ULK4: variants seen among roughly 807,000 people sequenced by gnomAD.
The protein encoded by ULK4 is inactive serine/threonine-protein kinase ULK4.
A neutral mutation model predicts 160.6 loss-of-function variants in ULK4; 133 were observed. The ratio of observed to expected loss-of-function variants is 0.83; its 90% confidence interval spans 0.72 to 0.96. The LOEUF is 0.96. Among genes scored for constraint, ULK4 ranks in the 40% least tolerant of loss-of-function variants. The pLI is 0.00. For missense variants in ULK4, 1,580 were observed against 1,499.5 expected (o/e 1.05, Z -0.89); for synonymous variants, 534 against 539.8 (o/e 0.99, Z 0.15).
chr3:41,346,435 T>C (rs938062018), intron 35 of ULK4, among the ~76,000 whole-genome samples: 1 of 152,168 alleles, frequency 6.6e-6, no homozygotes, highest in Non-Finnish European at 1.5e-5. Context: ...TTTGGCATAC[T>C]GCAGTTCTTG....
chr3:41,307,863 A>T (rs867429554), intron 35 of ULK4, among the ~76,000 whole-genome samples: 54 of 152,264 alleles, frequency 3.5e-4, no homozygotes, highest in African/African-American at 1.1e-3. Context: ...ATATATAGCT[A>T]AAGTGGTAAG....
chr3:41,731,563 T>C (rs543884919), intron 22 of ULK4, among the ~76,000 whole-genome samples: 6 of 151,618 alleles, frequency 4.0e-5, no homozygotes, highest in South Asian at 2.1e-4. Flanking sequence ...CCTAAAGTGA[T>C]CTACAGATTA....
At chr3:41,795,976 A>G (rs1340534697) in intron 20 of ULK4, among the ~76,000 whole-genome samples, 2 of 152,192 alleles carry the variant, frequency 1.3e-5, no homozygotes, top group Non-Finnish European at 2.9e-5. Context: ...CTTAAGGGAA[A>G]GGAAAGTATC....
intron 31 of ULK4, among the ~76,000 whole-genome samples, chr3:41,605,238 T>C (rs965736524): frequency 6.6e-6 from 1 of 151,104 alleles, no homozygotes; most frequent in Non-Finnish European, 1.5e-5. Context: ...AGAAAACTAG[T>C]AGTAAGATTT....
At chr3:41,611,359 G>A (rs2032668551) in intron 31 of ULK4, among the ~76,000 whole-genome samples, 1 of 152,146 alleles carries the variant, frequency 6.6e-6, no homozygotes, top group Non-Finnish European at 1.5e-5. Context: ...TAAGCCATCA[G>A]CTGCCTGGCT....
At chr3:41,366,498 T>C (rs947852281) in intron 35 of ULK4, among the ~76,000 whole-genome samples, 23 of 152,048 alleles carry the variant, frequency 1.5e-4, no homozygotes, top group South Asian at 8.3e-4. Context: ...TCCAGTTCAA[T>C]TGATTCTACA....
At chr3:41,592,239 C>T (rs1209816126) in intron 31 of ULK4, among the ~76,000 whole-genome samples, 2 of 152,250 alleles carry the variant, frequency 1.3e-5, no homozygotes, top group South Asian at 2.1e-4. Context: ...TTACCTGGAG[C>T]TGAGTCAATT....
chr3:41,355,565 A>C (rs1178288844), intron 35 of ULK4, among the ~76,000 whole-genome samples: 4 of 152,208 alleles, frequency 2.6e-5, no homozygotes, highest in Non-Finnish European at 5.9e-5. Context: ...GTTTGAAAAA[A>C]TATTTTAGAA....
At chr3:41,615,802 C>A in intron 30 of ULK4, 85 bp from the exon 31 acceptor site, 1 of 1,196,028 alleles carries the variant, frequency 8.4e-7, no homozygotes. Flanking sequence ...CCTCAGCCCC[C>A]ATGTTTTATT....
At chr3:41,865,547 C>T (rs959356680) in intron 17 of ULK4, among the ~76,000 whole-genome samples, 1 of 152,138 alleles carries the variant, frequency 6.6e-6, no homozygotes, top group Non-Finnish European at 1.5e-5. Context: ...TTCTACTTAA[C>T]CGTTGCTCCT....
At position 41,787,207 on chromosome 3, in the gene ULK4, G is replaced by C. The variant is rs80126279; in HGVS notation, c.2193+2454C>G. ...CCCAGCATTATCCCCTGCCAGAGTG[G>C]AGTCACAAAAGACCAAGCAGAGAGC... On this transcript the variant is annotated intron_variant, in intron 21 of 36. Coordinates refer to ENST00000301831, the MANE Select transcript of ULK4 (RefSeq NM_017886.4). Among the ~76,000 whole-genome samples the C allele has an allele frequency of 5.3e-3, 806 of 152,198 alleles. 18 individuals carry two copies. Among genetic ancestry groups the C allele is most frequent in the East Asian group, 0.04 (208 of 5,178 alleles).
chr3:41,390,072 G>A (rs1225391938), intron 35 of ULK4, among the ~76,000 whole-genome samples: 1 of 152,174 alleles, frequency 6.6e-6, no homozygotes, highest in Non-Finnish European at 1.5e-5. Context: ...TCTATTCAGA[G>A]ATTCAACTTC....
chr3:41,395,262 C>G (rs540178303), intron 35 of ULK4, among the ~76,000 whole-genome samples: 4 of 150,620 alleles, frequency 2.7e-5, no homozygotes, highest in African/African-American at 9.7e-5. Flanking sequence ...TCCCATTAGC[C>G]AAATCTGGGG....
chr3:41,316,255 ATT>A (rs1270299359), intron 35 of ULK4, among the ~76,000 whole-genome samples: 1 of 152,218 alleles, frequency 6.6e-6, no homozygotes, highest in Non-Finnish European at 1.5e-5. Context: ...ATCTGAAAGC[ATT>A]ATACTAAGTG....
intron 1 of ULK4, chr3:41,955,709 A>C (rs1388769977): frequency 6.6e-6 from 1 of 152,294 alleles, no homozygotes; most frequent in Non-Finnish European, 1.5e-5. Flanking sequence ...TGAAGAGAGA[A>C]GAGCTAAGCA....
chr3:41,846,314 A>G (rs1028310225), intron 17 of ULK4, among the ~76,000 whole-genome samples: 2 of 152,210 alleles, frequency 1.3e-5, no homozygotes, highest in African/African-American at 4.8e-5. Context: ...AAAGACAAAC[A>G]CCAAGGGTAA....
intron 4 of ULK4, among the ~76,000 whole-genome samples, chr3:41,935,338 T>C (rs1699738593): frequency 6.6e-6 from 1 of 151,400 alleles, no homozygotes; most frequent in East Asian, 2.0e-4. Context: ...GCAATTCTCC[T>C]GCCTCAGCCT....
At chr3:41,849,448 T>C (rs1282686807) in intron 17 of ULK4, among the ~76,000 whole-genome samples, 3 of 152,084 alleles carry the variant, frequency 2.0e-5, no homozygotes. Flanking sequence ...GGCAACGCCA[T>C]GAAGACGGTA....
At chr3:41,288,754 C>A (rs141485332) in intron 35 of ULK4, among the ~76,000 whole-genome samples, 2 of 152,162 alleles carry the variant, frequency 1.3e-5, no homozygotes, top group African/African-American at 2.4e-5. Context: ...GACCTTATAC[C>A]CCCAGTGTAT....
Sources: gnomAD v4.1 joint callset for allele counts (sites outside exome capture counted in the v4.1 genomes callset) on GRCh38, gnomAD v4.1.1 for gene constraint, MANE v1.5 for transcripts, NCBI Gene and HGNC (gene_info 2026-07-23, HGNC 2026-07-21) for gene names.